DGKB: variants seen among roughly 807,000 people sequenced by gnomAD.
DGKB encodes diacylglycerol kinase beta, also known as 90 kDa diacylglycerol kinase.
In DGKB, 67 loss-of-function variants were observed where a neutral mutation model predicts 114.3. That is an observed-to-expected ratio of 0.59 (90% CI 0.48 to 0.72). The LOEUF is 0.72. DGKB is among the 30% of genes least tolerant of loss of function. The pLI, the probability that DGKB is intolerant of heterozygous loss-of-function variation, is 0.00. For missense variants in DGKB, 907 were observed against 975.2 expected (o/e 0.93, Z 0.93); for synonymous variants, 398 against 323.1 (o/e 1.23, Z -2.49).
intron 17 of DGKB, among the ~76,000 whole-genome samples, chr7:14,596,877 C>A (rs1338382867): frequency 1.3e-5 from 2 of 152,094 alleles, no homozygotes; most frequent in Admixed American, 6.6e-5. Flanking sequence ...CATAAAAATT[C>A]TTGTAGTTAA....
chr7:14,411,624 A>G (rs910162797), intron 21 of DGKB, among the ~76,000 whole-genome samples: 1 of 152,056 alleles, frequency 6.6e-6, no homozygotes, highest in African/African-American at 2.4e-5. Flanking sequence ...CCTGCATAAT[A>G]GGATCATAAC....
At chr7:14,429,237 G>C (rs553971422) in intron 21 of DGKB, among the ~76,000 whole-genome samples, 1 of 152,262 alleles carries the variant, frequency 6.6e-6, no homozygotes, top group Non-Finnish European at 1.5e-5. Context: ...GCCTTTAGGA[G>C]ATAATTAGGT....
At chr7:14,950,105 T>A (rs201721165) in intron 1 of DGKB, among the ~76,000 whole-genome samples, 9 of 147,728 alleles carry the variant, frequency 6.1e-5, no homozygotes, top group Non-Finnish European at 1.2e-4. Context: ...AGTATAATAA[T>A]AAAAAAAAAG....
chr7:14,168,697 C>T (rs994008765), intron 25 of DGKB, among the ~76,000 whole-genome samples: 35 of 152,144 alleles, frequency 2.3e-4, no homozygotes, highest in African/African-American at 7.5e-4. Context: ...AAAATGCTTA[C>T]AATTAAGTCA....
intron 2 of DGKB, among the ~76,000 whole-genome samples, chr7:14,806,026 A>G (rs1842755426): frequency 6.6e-6 from 1 of 151,802 alleles, no homozygotes; most frequent in Non-Finnish European, 1.5e-5. Flanking sequence ...TAGGATATTA[A>G]GATTACAGTT....
At chr7:14,176,660 T>C (rs1781783040) in intron 25 of DGKB, 179 bp downstream of exon 25, 2 of 1,377,202 alleles carry the variant, frequency 1.5e-6, no homozygotes, top group African/African-American at 1.5e-5. Flanking sequence ...TTGCCAAGGG[T>C]ATATAATGTC....
chr7:14,417,978 A>G (rs1157433805), intron 21 of DGKB, among the ~76,000 whole-genome samples: 2 of 151,430 alleles, frequency 1.3e-5, no homozygotes, highest in South Asian at 2.1e-4. Flanking sequence ...AAACATAAGT[A>G]AACTTGAGTT....
At chr7:14,521,984 C>G (rs151249666) in intron 20 of DGKB, among the ~76,000 whole-genome samples, 23 of 152,210 alleles carry the variant, frequency 1.5e-4, no homozygotes, top group African/African-American at 5.1e-4. Context: ...TGTGTATGAC[C>G]TGCAATGCAG....
intron 23 of DGKB, among the ~76,000 whole-genome samples, chr7:14,295,965 T>C (rs1802476791): frequency 6.6e-6 from 1 of 152,088 alleles, no homozygotes; most frequent in African/African-American, 2.4e-5. Flanking sequence ...TGTTTGGTTT[T>C]CTATTCCTGT....
chr7:14,859,488 G>A (rs779512439), intron 1 of DGKB, among the ~76,000 whole-genome samples: 10 of 152,024 alleles, frequency 6.6e-5, no homozygotes, highest in Non-Finnish European at 1.5e-4. Flanking sequence ...TCAAGTACAG[G>A]GGAACACTGC....
intron 20 of DGKB, among the ~76,000 whole-genome samples, chr7:14,553,904 G>C (rs1186150028): frequency 9.1e-6 from 1 of 109,688 alleles, no homozygotes; most frequent in Non-Finnish European, 1.7e-5. Flanking sequence ...ACGGAGTCTC[G>C]CTCTGTCGCC....
At chr7:14,778,784 T>C (rs1363858645) in intron 2 of DGKB, among the ~76,000 whole-genome samples, 1 of 152,254 alleles carries the variant, frequency 6.6e-6, no homozygotes, top group Non-Finnish European at 1.5e-5. Context: ...CACATTTTTG[T>C]GACTTTTAAG....
rs10649333 is a variant in DGKB at position 14,368,573 on chromosome 7, C to CTCTGTG, written c.1836-23183_1836-23182insCACAGA. 2.8e-3 allele frequency among the ~76,000 whole-genome samples: 418 copies of CTCTGTG among 148,726 alleles called. 5 individuals are homozygous for CTCTGTG. Among genetic ancestry groups the CTCTGTG allele is most frequent in the African/African-American group, 8.6e-3 (348 of 40,432 alleles). On this transcript the variant is annotated intron_variant, in intron 21 of 25. Coordinates refer to ENST00000402815, the MANE Select transcript of DGKB (RefSeq NM_001350709.2). Reference sequence around the variant, plus strand: ...GAAACAGATGCAAACGGTATTTTCTCTGTGTGTGTGTGTGTGTGTGTGTGT... The same window carrying CTCTGTG: ...GAAACAGATGCAAACGGTATTTTCTCTCTGTGTGTGTGTGTGTGTGTGTGTGTGTGT...
chr7:14,642,465 A>G (rs1028431165), intron 13 of DGKB, among the ~76,000 whole-genome samples: 1 of 152,214 alleles, frequency 6.6e-6, no homozygotes, highest in Non-Finnish European at 1.5e-5. Flanking sequence ...CAGTTGATAG[A>G]AAAGTCAAAG....
At chr7:14,634,833 T>A (rs1290096439) in intron 13 of DGKB, among the ~76,000 whole-genome samples, 1 of 151,626 alleles carries the variant, frequency 6.6e-6, no homozygotes, top group African/African-American at 2.4e-5. Context: ...TTGTTTAAAC[T>A]TTATAATTCT....
At chr7:14,540,007 T>C (rs956396867) in intron 20 of DGKB, among the ~76,000 whole-genome samples, 3 of 152,102 alleles carry the variant, frequency 2.0e-5, no homozygotes, top group African/African-American at 7.2e-5. Flanking sequence ...TTCTCATTTA[T>C]ATACTACTCA....
intron 17 of DGKB, among the ~76,000 whole-genome samples, chr7:14,596,704 AG>A (rs1321115339): frequency 6.6e-6 from 1 of 152,108 alleles, no homozygotes; most frequent in East Asian, 1.9e-4. Flanking sequence ...TGGAGACAAA[AG>A]TCTTTTTTGT....
At chr7:14,883,343 T>C (rs1854533900) in intron 1 of DGKB, among the ~76,000 whole-genome samples, 1 of 151,968 alleles carries the variant, frequency 6.6e-6, no homozygotes, top group Admixed American at 6.6e-5. Context: ...AAGCAAGCCA[T>C]TTTGCTCCCC....
At chr7:14,526,924 C>T (rs1790738705) in intron 20 of DGKB, among the ~76,000 whole-genome samples, 1 of 152,104 alleles carries the variant, frequency 6.6e-6, no homozygotes, top group Admixed American at 6.6e-5. Flanking sequence ...GTGTGAAGAT[C>T]TAATTGGGTT....
Sources: allele counts gnomAD v4.1 joint callset (sites outside exome capture counted in the v4.1 genomes callset), GRCh38; gene constraint gnomAD v4.1.1; transcripts MANE v1.5; gene names NCBI Gene and HGNC (gene_info 2026-07-23, HGNC 2026-07-21).